CFAP91: variants seen among roughly 807,000 people sequenced by gnomAD.
The protein encoded by CFAP91 is cilia- and flagella-associated protein 91.
CFAP91 carries 85 observed loss-of-function variants against 95.9 expected under a neutral mutation model. That is an observed-to-expected ratio of 0.89 (90% CI 0.74 to 1.06). The LOEUF (loss-of-function observed/expected upper bound fraction) is 1.06. Among genes scored for constraint, CFAP91 ranks in the 50% least tolerant of loss-of-function variants. The pLI, the probability that CFAP91 is intolerant of heterozygous loss-of-function variation, is 0.00. For synonymous variants in CFAP91, 335 were observed against 327.5 expected, an observed-to-expected ratio of 1.02 and a Z score of -0.25; for missense variants, 962 against 943.4, an observed-to-expected ratio of 1.02 and a Z score of -0.26.
Position 119,747,146 on chromosome 3 carries a change from C to T in CFAP91, c.1934C>T (p.Ser645Phe). The T allele has an allele frequency of 1.2e-6, 2 of 1,610,858 alleles. No homozygotes were observed. Among genetic ancestry groups the T allele is most frequent in the South Asian group, 1.1e-5 (1 of 90,194 alleles). ...AAAGTTCACCATAGTACTATAAGCT[C>T]CTACCTAGAAGACATAATACTGAAT... ...VVKVHHSTISSYLEDIILNTE... is the reference protein window; with the variant it reads ...VVKVHHSTISFYLEDIILNTE... Residue 645 changes from serine to phenylalanine, a missense_variant, in exon 15 of 18, where the codon TCC becomes TTC. Physicochemically the swap from Ser to Phe is radical, Grantham distance 155 (BLOSUM62 -2). Transcript: ENST00000273390.
At chr3:119,706,519 G>A (rs942375653) in intron 1 of CFAP91, 15 of 295,926 alleles carry the variant, frequency 5.1e-5, no homozygotes, top group Middle Eastern at 9.6e-4. Context: ...AGAAGAAAGT[G>A]TGTTCAGGGT....
rs146078151 is a variant in CFAP91 at position 119,730,267 on chromosome 3, G to T, written c.908G>T (p.Arg303Leu). 11 of 1,614,116 alleles carry T rather than the reference G, an allele frequency of 6.8e-6. No homozygotes were observed. The highest frequency in any genetic ancestry group is 1.7e-5 in the Admixed American group (1 of 60,024). The change falls in exon 8 of 18, where the codon CGT becomes CTT. Residue 303 changes from arginine (R) to leucine (L), a missense_variant. Physicochemically the swap from Arg to Leu is moderately radical, Grantham distance 102. Coordinates refer to ENST00000273390, the MANE Select transcript of CFAP91 (RefSeq NM_033364.4). ...LEVLKELLRK[R>L]EENQNEVNMK... ...GTTCTAAAAGAGCTGTTGAGGAAGC[G>T]TGAAGAGAATCAGAATGAAGTGAAT...
intron 5 of CFAP91, among the ~76,000 whole-genome samples, chr3:119,712,931 G>T (rs1282442377): frequency 6.7e-6 from 1 of 149,624 alleles, no homozygotes; most frequent in African/African-American, 2.5e-5. Flanking sequence ...CTCAAGCCTG[G>T]GTGGCAGAGT....
At position 119,751,098 on chromosome 3, in the gene CFAP91, G is replaced by A; in HGVS notation, c.*1G>A. On this transcript the variant is annotated splice_region_variant and 3_prime_UTR_variant, in exon 17 of 18. Transcript: ENST00000273390. Reference sequence around the variant, plus strand: ...AACTCAAAATGAGAACAACAGCTAAGGTGAGTTTGATTTTCCACCAGGAAA... The same window carrying A: ...AACTCAAAATGAGAACAACAGCTAAAGTGAGTTTGATTTTCCACCAGGAAA... The A allele has an allele frequency of 6.3e-7, 1 of 1,589,654 alleles. No individual in the cohort carries two copies. Among genetic ancestry groups the A allele is most frequent in the Non-Finnish European group, 8.5e-7 (1 of 1,170,322 alleles).
chr3:119,726,367 A>C lies in CFAP91; in HGVS notation c.860+19A>C. The C allele has an allele frequency of 6.3e-7, 1 of 1,599,004 alleles. No individual in the cohort carries two copies. Among genetic ancestry groups the C allele is most frequent in the Non-Finnish European group, 8.5e-7 (1 of 1,172,742 alleles). On this transcript the variant is annotated intron_variant, in intron 7 of 17. Coordinates refer to ENST00000273390, the MANE Select transcript of CFAP91 (RefSeq NM_033364.4). ...TTGAAAAGTAGGTTCTCTATCACCC[A>C]GACAACTGTTCCTGCACTGGTGGGA...
rs746921762 is a variant in CFAP91 at position 119,733,346 on chromosome 3, T to C, written c.1202-18T>C. The C allele has an allele frequency of 5.6e-6, 9 of 1,612,518 alleles. No individual in the cohort carries two copies. The East Asian group carries it at 1.3e-4, about 24-fold the overall frequency. On this transcript the variant is annotated intron_variant, in intron 9 of 17. Transcript: ENST00000273390. ...ACGTAAGCACTGGATACTAAAAACA[T>C]GTGCTTCCTTCCCATAGGATTAGTG... is the stretch of plus-strand genomic sequence containing the variant.
intron 9 of CFAP91, 115 bp from the exon 10 acceptor site, chr3:119,733,249 C>T: frequency 8.2e-6 from 8 of 976,472 alleles, no homozygotes; most frequent in South Asian, 3.5e-5. Flanking sequence ...TGAGATACAC[C>T]CTCTCAACAA....
intron 6 of CFAP91, among the ~76,000 whole-genome samples, chr3:119,723,208 G>T (rs2053719952): frequency 6.6e-6 from 1 of 152,242 alleles, no homozygotes; most frequent in African/African-American, 2.4e-5. Flanking sequence ...CAGATGCAAT[G>T]TGGGAGGAAG....
chr3:119,726,251 C>T lies in CFAP91; in HGVS notation c.763C>T (p.Pro255Ser). ...GAAGCGTGCTTGGGAAGCCTCTCTC[C>T]CCGCTCTGAGTGACACCTCCCAGTT... ...REKRAWEASL[P>S]ALSDTSQFEK... The change falls in exon 7 of 18, where the codon CCC becomes TCC. Residue 255 changes from proline (P) to serine (S), a missense_variant. Pro to Ser is a moderately conservative substitution (Grantham distance 74). Transcript: ENST00000273390. The T allele has an allele frequency of 1.2e-6, 2 of 1,613,818 alleles. No individual in the cohort carries two copies. Among genetic ancestry groups the T allele is most frequent in the South Asian group, 2.2e-5 (2 of 91,016 alleles).
At chr3:119,762,466 A>G (rs1159500641) in intron 17 of CFAP91, among the ~76,000 whole-genome samples, 3 of 152,100 alleles carry the variant, frequency 2.0e-5, no homozygotes, top group Non-Finnish European at 4.4e-5. Flanking sequence ...GACATTTTTC[A>G]CAGAAATAGA....
At chr3:119,728,500 A>T (rs1398217576) in intron 7 of CFAP91, among the ~76,000 whole-genome samples, 1 of 152,188 alleles carries the variant, frequency 6.6e-6, no homozygotes, top group South Asian at 2.1e-4. Context: ...TATTATCTCC[A>T]CTTTACCATT....
At position 119,709,863 on chromosome 3, in the gene CFAP91, G is replaced by T. The variant is rs781674990; in HGVS notation, c.468G>T (p.Gln156His). The change falls in exon 5 of 18, where the codon CAG (glutamine) becomes CAT (histidine). Residue 156 changes from glutamine (Q) to histidine (H), a missense_variant. Transcript: ENST00000273390. ...GGCCTTTTCTCCCATTTTTTCAGCA[G>T]ATGCCATTCAATGTTGTTTATGCCG... ...FERPFLPFFQ[Q>H]MPFNVVYAVS... The T allele has an allele frequency of 5.6e-6, 9 of 1,612,716 alleles. No individual in the cohort carries two copies. Among genetic ancestry groups the T allele is most frequent in the Non-Finnish European group, 7.6e-6 (9 of 1,178,958 alleles).
At position 119,766,903 on chromosome 3, in the gene CFAP91, A is replaced by G. The variant is rs1165116098; in HGVS notation, c.*1853A>G. 6.6e-6 allele frequency: 1 copy of G among 152,252 alleles called. No individual in the cohort carries two copies. Among genetic ancestry groups the G allele is most frequent in the Non-Finnish European group, 1.5e-5 (1 of 68,034 alleles). 9.4% of individuals were successfully genotyped at this position (152,252 alleles called of 1,614,324 possible). On this transcript the variant is annotated 3_prime_UTR_variant, in exon 18 of 18. Transcript: ENST00000273390. ...GTAGACTTCTAAAACTATGTTTTGC[A>G]TTTAGACAGTCAAGGAAAATACAAG...
rs745521762 is a variant in CFAP91 at position 119,706,788 on chromosome 3, A to G, written c.125-21A>G. On this transcript the variant is annotated intron_variant, in intron 1 of 17. Transcript: ENST00000273390. ...GTAGATATGTTCTATCTGTTATGCT[A>G]CTTGATTGTTTATTTTGCAGATCCA... 1.9e-6 allele frequency: 3 copies of G among 1,581,464 alleles called. No individual in the cohort carries two copies. In the South Asian group the frequency reaches 3.3e-5, roughly 17 times the overall value.
chr3:119,733,256 A>G, intron 9 of CFAP91, 108 bp from the exon 10 acceptor site: 1 of 1,146,442 alleles, frequency 8.7e-7, no homozygotes. Context: ...CACCCTCTCA[A>G]CAATTCTAAT....
rs1559768111 is a variant in CFAP91 at position 119,750,932 on chromosome 3, C to T, written c.2144-5C>T. The T allele has an allele frequency of 2.5e-6, 4 of 1,613,728 alleles. No individual in the cohort carries two copies. The highest frequency in any genetic ancestry group is 2.5e-6 in the Non-Finnish European group (3 of 1,179,766). On this transcript the variant is annotated splice_polypyrimidine_tract_variant and splice_region_variant and intron_variant, in intron 16 of 17. Transcript: ENST00000273390. ...AATGAAAATTTTTCTATTACTTTGG[C>T]ACAGTGAGGAACGCACAGCGGAAAC...
At position 119,766,352 on chromosome 3, in the gene CFAP91, G is replaced by GAAA. The variant is rs1226969041; in HGVS notation, c.*1303_*1305dup. The GAAA allele has an allele frequency of 6.6e-6, 1 of 152,048 alleles. No individual in the cohort carries two copies. Among genetic ancestry groups the GAAA allele is most frequent in the Non-Finnish European group, 1.5e-5 (1 of 68,002 alleles). 9.4% of individuals were successfully genotyped at this position (152,048 alleles called of 1,614,324 possible). A position where few individuals can be genotyped will look rare whatever the true frequency, so the allele number is the denominator to read the frequency against. ...TTAAAAAAACTAATTATACAAACTT[G>GAAA]AAAGGGTTCACCTTGCCCTAGCAAA... is the stretch of plus-strand genomic sequence containing the variant. On this transcript the variant is annotated 3_prime_UTR_variant, in exon 18 of 18. Coordinates refer to ENST00000273390, the MANE Select transcript of CFAP91 (RefSeq NM_033364.4).
Position 119,750,971 on chromosome 3 carries a change from C to G in CFAP91, c.2178C>G (p.Ala726=). 6.2e-7 allele frequency: 1 copy of G among 1,613,878 alleles called. No homozygotes were observed. Among genetic ancestry groups the G allele is most frequent in the Middle Eastern group, 1.6e-4 (1 of 6,062 alleles). ...CACAGCGGAAACATATTCTTGCAGC[C>G]CATCAGATCATCCACAGTTACACGG... ...RNAQRKHILA[A]HQIIHSYTES... is the part of the protein sequence containing the mutation. Residue 726 remains alanine, a synonymous_variant, in exon 17 of 18, where the codon GCC becomes GCG. Transcript: ENST00000273390.
At chr3:119,714,726 T>G (rs35141348) in intron 5 of CFAP91, among the ~76,000 whole-genome samples, 103 of 152,222 alleles carry the variant, frequency 6.8e-4, no homozygotes, top group African/African-American at 2.4e-3. Context: ...TTTAAACTTT[T>G]TATCATATAT....
Sources: gnomAD v4.1 joint callset for allele counts (sites outside exome capture counted in the v4.1 genomes callset) on GRCh38, gnomAD v4.1.1 for gene constraint, MANE v1.5 for transcripts, NCBI Gene and HGNC (gene_info 2026-07-23, HGNC 2026-07-21) for gene names.